Variants in CCSER1 observed in about 807,000 individuals in gnomAD.
The protein encoded by CCSER1 is coiled-coil serine rich protein 1.
In CCSER1, 41 loss-of-function variants were observed where a neutral mutation model predicts 82.0. That is an observed-to-expected ratio of 0.50 (90% CI 0.39 to 0.65). The LOEUF is 0.65. CCSER1 is among the 30% of genes least tolerant of loss of function. The pLI is 0.00. For synonymous variants in CCSER1, 414 were observed against 383.9 expected, an observed-to-expected ratio of 1.08 and a Z score of -0.92; for missense variants, 1,119 against 1,064.2, an observed-to-expected ratio of 1.05 and a Z score of -0.72.
intron 1 of CCSER1, among the ~76,000 whole-genome samples, chr4:90,284,307 T>G (rs1407525068): frequency 6.6e-6 from 1 of 152,158 alleles, no homozygotes; most frequent in East Asian, 1.9e-4. Flanking sequence ...TTCTTTGCTA[T>G]GCACAAGCAA....
At chr4:90,255,289 T>A (rs1723082660) in intron 1 of CCSER1, among the ~76,000 whole-genome samples, 1 of 152,080 alleles carries the variant, frequency 6.6e-6, no homozygotes, top group African/African-American at 2.4e-5. Context: ...CTCAGAGTGA[T>A]CTACATGGGA....
At chr4:90,374,188 G>A (rs370768974) in intron 3 of CCSER1, among the ~76,000 whole-genome samples, 3 of 152,172 alleles carry the variant, frequency 2.0e-5, no homozygotes, top group East Asian at 3.9e-4. Flanking sequence ...TCGATGAGAC[G>A]CTTGTGGGTC....
At chr4:91,150,894 G>A (rs183498551) in intron 10 of CCSER1, among the ~76,000 whole-genome samples, 4 of 152,234 alleles carry the variant, frequency 2.6e-5, no homozygotes, top group South Asian at 2.1e-4. Context: ...GAGGAATTTT[G>A]CATTGATGTT....
chr4:91,152,174 T>C (rs1560471242), intron 10 of CCSER1, among the ~76,000 whole-genome samples: 1 of 152,238 alleles, frequency 6.6e-6, no homozygotes, highest in Non-Finnish European at 1.5e-5. Flanking sequence ...TAGGTTCATA[T>C]ATATTTAGGA....
At chr4:91,162,795 A>T (rs1054903609) in intron 10 of CCSER1, among the ~76,000 whole-genome samples, 1 of 151,796 alleles carries the variant, frequency 6.6e-6, no homozygotes, top group African/African-American at 2.4e-5. Flanking sequence ...ATCATTTTTT[A>T]TTGTGTCTAT....
chr4:91,059,454 G>GTT (rs1285492856), intron 9 of CCSER1, among the ~76,000 whole-genome samples: 13 of 57,504 alleles, frequency 2.3e-4, no homozygotes, highest in South Asian at 4.7e-4. Flanking sequence ...CTTTATTAAG[G>GTT]TTATATATAT....
At chr4:91,161,925 A>AT (rs955106711) in intron 10 of CCSER1, among the ~76,000 whole-genome samples, 1 of 151,972 alleles carries the variant, frequency 6.6e-6, no homozygotes, top group Non-Finnish European at 1.5e-5. Flanking sequence ...AATACCCTGT[A>AT]TTTTTTTCTT....
intron 7 of CCSER1, among the ~76,000 whole-genome samples, chr4:90,750,251 G>A (rs4276254): frequency 0.27 from 40,657 of 151,574 alleles, 6,044 homozygotes; most frequent in Middle Eastern, 0.35. Context: ...TTGCCTGTTC[G>A]CTCTGATGGT....
intron 10 of CCSER1, among the ~76,000 whole-genome samples, chr4:91,156,894 C>G (rs1730874456): frequency 6.6e-6 from 1 of 151,806 alleles, no homozygotes; most frequent in Non-Finnish European, 1.5e-5. Context: ...ATAATTTCTT[C>G]TCATTGGGAC....
chr4:90,257,376 A>C (rs1723513283), intron 1 of CCSER1, among the ~76,000 whole-genome samples: 1 of 152,130 alleles, frequency 6.6e-6, no homozygotes, highest in Non-Finnish European at 1.5e-5. Flanking sequence ...GGCACTTGAT[A>C]AATGTTTAAG....
chr4:90,758,762 A>G (rs1006807650), intron 7 of CCSER1, among the ~76,000 whole-genome samples: 1 of 152,198 alleles, frequency 6.6e-6, no homozygotes. Context: ...TGAGAAAGAT[A>G]TAGCTACTGT....
intron 1 of CCSER1, among the ~76,000 whole-genome samples, chr4:90,190,653 A>T (rs757256687): frequency 3.9e-5 from 6 of 152,120 alleles, no homozygotes; most frequent in Non-Finnish European, 7.4e-5. Context: ...CCCAGACAAT[A>T]GTGATAGGAT....
At chr4:90,927,758 T>C (rs948627445) in intron 9 of CCSER1, among the ~76,000 whole-genome samples, 2 of 152,060 alleles carry the variant, frequency 1.3e-5, no homozygotes, top group African/African-American at 4.8e-5. Context: ...GTGGTGCTCC[T>C]GGCGCAGTTT....
chr4:91,394,895 T>G (rs1277919957), intron 10 of CCSER1, among the ~76,000 whole-genome samples: 1 of 151,898 alleles, frequency 6.6e-6, no homozygotes, highest in Non-Finnish European at 1.5e-5. Flanking sequence ...ACCTACATTT[T>G]TTCACATCCT....
intron 10 of CCSER1, among the ~76,000 whole-genome samples, chr4:91,508,606 A>C (rs1759655956): frequency 6.6e-6 from 1 of 151,500 alleles, no homozygotes; most frequent in South Asian, 2.1e-4. Context: ...TATCAGTGAA[A>C]TATTGACCAT....
intron 1 of CCSER1, among the ~76,000 whole-genome samples, chr4:90,184,949 C>G (rs1024794499): frequency 6.6e-6 from 1 of 152,044 alleles, no homozygotes; most frequent in Non-Finnish European, 1.5e-5. Flanking sequence ...TGCCTCTGTG[C>G]CAAAACTTCC....
intron 9 of CCSER1, among the ~76,000 whole-genome samples, chr4:90,994,573 G>A (rs532604677): frequency 5.5e-5 from 8 of 145,240 alleles, no homozygotes; most frequent in African/African-American, 1.3e-4. Flanking sequence ...TCACAAAAAC[G>A]TATGAGTCTA....
intron 4 of CCSER1, among the ~76,000 whole-genome samples, chr4:90,416,515 A>C (rs1755815940): frequency 6.6e-6 from 1 of 152,182 alleles, no homozygotes; most frequent in African/African-American, 2.4e-5. Context: ...TGTCTGTCTC[A>C]AAATATAATC....
chr4:90,527,182 T>C (rs1172723422), intron 5 of CCSER1, among the ~76,000 whole-genome samples: 1 of 151,904 alleles, frequency 6.6e-6, no homozygotes, highest in African/African-American at 2.4e-5. Flanking sequence ...TGGGAGAAAA[T>C]TTTTGCAATC....
Sources: allele counts gnomAD v4.1 joint callset (sites outside exome capture counted in the v4.1 genomes callset), GRCh38; gene constraint gnomAD v4.1.1; transcripts MANE v1.5; gene names NCBI Gene and HGNC (gene_info 2026-07-23, HGNC 2026-07-21).